Variants in HADH observed in about 807,000 individuals in gnomAD.
HADH encodes the protein hydroxyacyl-coenzyme A dehydrogenase, mitochondrial.
HADH carries 24 observed loss-of-function variants against 32.2 expected under a neutral mutation model. That is an observed-to-expected ratio of 0.75 (90% confidence interval 0.54 to 1.05). The LOEUF (loss-of-function observed/expected upper bound fraction) is 1.05, where lower values mean the gene tolerates loss of function less well. Ranked by LOEUF, HADH falls within the 50% of genes least tolerant of loss-of-function variation. The pLI is 0.00. For synonymous variants in HADH, 139 were observed against 152.5 expected (o/e 0.91, Z 0.65); for missense variants, 350 against 397.1 (o/e 0.88, Z 1.01).
rs1179548918 is a variant in HADH, at chr4:108,034,272, A to T, written c.860A>T (p.His287Leu). Residue 287 changes from histidine to leucine, a missense_variant, in exon 8 of 8, where the codon CAT (histidine) becomes CTT (leucine). By Grantham distance (99) the His-to-Leu change is moderately conservative. Coordinates refer to ENST00000309522, the MANE Select transcript of HADH (RefSeq NM_005327.7). ...GAAATGGATGCAGAGAACCCATTAC[A>T]TCAGCCCAGCCCATCCTTAAATAAG... is the stretch of plus-strand genomic sequence containing the variant. ...WHEMDAENPL[H>L]QPSPSLNKLV... The T allele has an allele frequency of 6.2e-7, 1 of 1,613,216 alleles. No individual in the cohort carries two copies. The highest frequency in any genetic ancestry group is 2.2e-5 in the East Asian group (1 of 44,894).
chr4:108,003,081 G>A (rs1735168938), intron 1 of HADH, among the ~76,000 whole-genome samples: 1 of 148,164 alleles, frequency 6.7e-6, no homozygotes, highest in African/African-American at 2.5e-5. Context: ...CACAGTGAGT[G>A]AGTGGCTAAA....
intron 1 of HADH, among the ~76,000 whole-genome samples, chr4:107,998,713 G>A (rs564913170): frequency 3.9e-5 from 6 of 152,176 alleles, no homozygotes; most frequent in Admixed American, 1.3e-4. Context: ...CAATAGTTGT[G>A]TTCTTTTTGT....
At chr4:108,018,218 C>T (rs553235131) in intron 3 of HADH, among the ~76,000 whole-genome samples, 1 of 152,304 alleles carries the variant, frequency 6.6e-6, no homozygotes, top group South Asian at 2.1e-4. Flanking sequence ...GCCTTGGGCC[C>T]AGGCTGTCCC....
In HADH at chr4:108,032,480, A is replaced by G. The variant is rs1049404821; in HGVS notation, c.710-696A>G. The G allele has an allele frequency of 2.4e-5, 15 of 619,568 alleles. No homozygotes were observed. The East Asian group carries it at 3.6e-4, about 15-fold the overall frequency. The allele number at this position is 619,568 out of a possible 1,614,324, so 38.4% of individuals were successfully genotyped here. A position where few individuals can be genotyped will look rare whatever the true frequency, so the allele number is the denominator to read the frequency against. On this transcript the variant is annotated intron_variant, in intron 6 of 7. Coordinates refer to ENST00000309522, the MANE Select transcript of HADH (RefSeq NM_005327.7). ...GAAAGAATACATACAATAACTATAC[A>G]TACAAAAGCAGAAAGCTTAGTTTTC...
Position 107,994,713 on chromosome 4 carries a change from G to C in HADH, c.132+4649G>C, listed in dbSNP as rs562521562. ...ACCTTCCTGCTGAAGGACATGAGAT[G>C]TGTCTGTTTGTTATGAAGTTTTCCC... On this transcript the variant is annotated intron_variant, in intron 1 of 7. Coordinates refer to ENST00000309522, the MANE Select transcript of HADH (RefSeq NM_005327.7). Among the ~76,000 whole-genome samples the C allele has an allele frequency of 4.6e-5, 7 of 152,270 alleles. No individual in the cohort carries two copies. In the South Asian group the frequency reaches 8.3e-4, roughly 18 times the overall value.
At chr4:108,000,557 CACCCAGTTATTTTCTT>C (rs1735092191) in intron 1 of HADH, among the ~76,000 whole-genome samples, 5 of 152,198 alleles carry the variant, frequency 3.3e-5, no homozygotes, top group African/African-American at 7.2e-5. Flanking sequence ...ACCAGCGCCA[CACCCAGTTATTTTCTT>C]TCAGTATTTG....
intron 6 of HADH, 35 bp from the exon 7 acceptor site, chr4:108,033,141 G>A (rs751828329): frequency 9.4e-6 from 9 of 958,008 alleles, no homozygotes; most frequent in Middle Eastern, 4.1e-4. Context: ...TCAAGGAAAG[G>A]TGGTGGTGAC....
At position 108,013,351 on chromosome 4, in the gene HADH, G is replaced by C. The variant is rs542716258; in HGVS notation, c.262-1080G>C. ...AGGGTTGGAGTCTAGGACAGAGTGA[G>C]TTTGACCCAGATAGCCTGCATTTTC... On this transcript the variant is annotated intron_variant, in intron 2 of 7. Transcript: ENST00000309522. Among the ~76,000 whole-genome samples the C allele has an allele frequency of 5.3e-5, 8 of 152,292 alleles. No homozygotes were observed. The South Asian group carries it at 1.7e-3, about 32-fold the overall frequency.
chr4:107,993,161 C>A (rs752944095), intron 1 of HADH, among the ~76,000 whole-genome samples: 3 of 152,164 alleles, frequency 2.0e-5, no homozygotes, highest in Non-Finnish European at 2.9e-5. Flanking sequence ...TTGCAGTTGT[C>A]CTGTCCTTTT....
rs377422210 is a variant in HADH, at chr4:107,991,407, A to G, written c.132+1343A>G. Among the ~76,000 whole-genome samples, 12 of 152,256 alleles carry G rather than the reference A, an allele frequency of 7.9e-5. No individual in the cohort carries two copies. The East Asian group carries it at 9.7e-4, about 12-fold the overall frequency. ...TGCTTTTTAAAAACAAAAACAAAAA[A>G]ACCTTTTACTATTAGGTATTATATA... On this transcript the variant is annotated intron_variant, in intron 1 of 7. Transcript: ENST00000309522.
At chr4:108,025,296 T>C (rs1464212047) in intron 5 of HADH, 1 of 152,052 alleles carries the variant, frequency 6.6e-6, no homozygotes, top group Non-Finnish European at 1.5e-5. Context: ...GGGATTGTGG[T>C]ATATAGGTTA....
intron 1 of HADH, among the ~76,000 whole-genome samples, chr4:107,997,784 T>C (rs1002217474): frequency 5.9e-5 from 9 of 152,174 alleles, no homozygotes; most frequent in African/African-American, 2.2e-4. Context: ...GGAAGAGTCC[T>C]CCTCATTTGT....
rs558620677 is a variant in HADH at position 108,015,290 on chromosome 4, C to A, written c.419+702C>A. Among the ~76,000 whole-genome samples the A allele has an allele frequency of 7.9e-5, 12 of 152,330 alleles. No individual in the cohort carries two copies. The South Asian group carries it at 1.0e-3, about 13-fold the overall frequency. On this transcript the variant is annotated intron_variant, in intron 3 of 7. Coordinates refer to ENST00000309522, the MANE Select transcript of HADH (RefSeq NM_005327.7). Reference sequence around the variant, plus strand: ...CCTTTCTCCAGATTCTCACCAACATCTGTTGGTTTTGACTTTTTAATAAAA... The same window carrying A: ...CCTTTCTCCAGATTCTCACCAACATATGTTGGTTTTGACTTTTTAATAAAA...
chr4:108,033,280 T>C lies in HADH; in HGVS notation c.814T>C (p.Phe272Leu), dbSNP rs1363810752. 1.3e-6 allele frequency: 2 copies of C among 1,533,832 alleles called. No homozygotes were observed. The highest frequency in any genetic ancestry group is 2.2e-5 in the East Asian group (1 of 44,504). The change falls in exon 7 of 8, where the codon TTC becomes CTC. Residue 272 changes from phenylalanine to leucine, a missense_variant. Coordinates refer to ENST00000309522, the MANE Select transcript of HADH (RefSeq NM_005327.7). ...LDYVGLDTTK[F>L]IVDGWHEMDA... ...TTATGTCGGACTGGATACTACGAAGTTCATCGTGGATGGTAGGAATTGGAA... is the reference window on the plus strand; with the variant it reads ...TTATGTCGGACTGGATACTACGAAGCTCATCGTGGATGGTAGGAATTGGAA...
chr4:107,996,240 A>T (rs1734955049), intron 1 of HADH, among the ~76,000 whole-genome samples: 1 of 152,086 alleles, frequency 6.6e-6, no homozygotes. Context: ...GAAAAAACCC[A>T]CTCATCATGG....
chr4:107,996,574 T>A (rs1280298491), intron 1 of HADH, among the ~76,000 whole-genome samples: 1 of 151,932 alleles, frequency 6.6e-6, no homozygotes, highest in African/African-American at 2.4e-5. Context: ...AATAAAGGAG[T>A]CTGTCCAATT....
rs1437287322 is a variant in HADH at position 108,032,431 on chromosome 4, C to T, written c.710-745C>T. 5 of 1,075,558 alleles carry T rather than the reference C, an allele frequency of 4.6e-6. No individual in the cohort carries two copies. In the East Asian group the frequency reaches 9.6e-5, roughly 21 times the overall value. 66.6% of individuals were successfully genotyped at this position (1,075,558 alleles called of 1,614,324 possible). A position where few individuals can be genotyped will look rare whatever the true frequency, so the allele number is the denominator to read the frequency against. ...TGTGATGCCAGGGGAATACTCCTTA[C>T]TTGTAAAACCCAAAAAACTGGGGGA... is the stretch of plus-strand genomic sequence containing the variant. On this transcript the variant is annotated intron_variant, in intron 6 of 7. Coordinates refer to ENST00000309522, the MANE Select transcript of HADH (RefSeq NM_005327.7).
At chr4:108,022,586 C>T (rs1022425009) in intron 4 of HADH, among the ~76,000 whole-genome samples, 1 of 152,160 alleles carries the variant, frequency 6.6e-6, no homozygotes, top group Admixed American at 6.5e-5. Context: ...CTCAGGAATC[C>T]AGGAGAACTG....
chr4:107,990,818 C>T (rs1390953205), intron 1 of HADH, among the ~76,000 whole-genome samples: 2 of 144,870 alleles, frequency 1.4e-5, no homozygotes, highest in South Asian at 2.2e-4. Flanking sequence ...GGCGCGATCT[C>T]GGTTCACTGC....
Sources: gnomAD v4.1 joint callset for allele counts (sites outside exome capture counted in the v4.1 genomes callset) on GRCh38, gnomAD v4.1.1 for gene constraint, MANE v1.5 for transcripts, NCBI Gene and HGNC (gene_info 2026-07-23, HGNC 2026-07-21) for gene names.